CSMD3: variants seen among roughly 807,000 people sequenced by gnomAD.
The protein encoded by CSMD3 is CUB and sushi domain-containing protein 3.
A neutral mutation model predicts 435.2 loss-of-function variants in CSMD3; 177 were observed. The ratio of observed to expected loss-of-function variants is 0.41; its 90% CI spans 0.36 to 0.46. The LOEUF is 0.46. Ranked by LOEUF, CSMD3 falls within the 20% of genes least tolerant of loss-of-function variation. The probability of loss-of-function intolerance (pLI) is 0.34; values close to 1 mark genes in which losing one functional copy is unlikely to be tolerated. For synonymous variants in CSMD3, 1,656 were observed against 1,520.5 expected, an observed-to-expected ratio of 1.09 and a Z score of -2.07; for missense variants, 4,265 against 4,504.6, an observed-to-expected ratio of 0.95 and a Z score of 1.52.
At chr8:113,358,525 G>T (rs535087411) in intron 1 of CSMD3, among the ~76,000 whole-genome samples, 169 of 152,192 alleles carry the variant, frequency 1.1e-3, no homozygotes, top group Middle Eastern at 0.01. Context: ...GCTAATTTTT[G>T]TATATTTAGT....
chr8:112,311,009 A>G lies in CSMD3; in HGVS notation c.7854T>C (p.His2618=). ...AGGCAGGGACTGGCGCATCCCATGC[A>G]TGATACCCATAGGAAGACTTTCTGC... The part of the protein sequence containing the change: ...AVCRKSSYGY[H]AWDAPVPACQ... Residue 2618 remains histidine (H), a synonymous_variant, in exon 50 of 71, where the codon CAT becomes CAC. Transcript: ENST00000297405. The G allele has an allele frequency of 1.2e-6, 2 of 1,614,042 alleles. No homozygotes were observed. The highest frequency in any genetic ancestry group is 1.7e-5 in the Admixed American group (1 of 60,010).
intron 3 of CSMD3, among the ~76,000 whole-genome samples, chr8:113,233,135 A>T (rs2093107850): frequency 6.6e-6 from 1 of 151,852 alleles, no homozygotes; most frequent in African/African-American, 2.4e-5. Flanking sequence ...TCAATAATAA[A>T]GTATGTTAAT....
chr8:113,121,045 C>G (rs935169364), intron 4 of CSMD3, among the ~76,000 whole-genome samples: 1 of 152,028 alleles, frequency 6.6e-6, no homozygotes, highest in Admixed American at 6.6e-5. Context: ...CAGTGATGTC[C>G]GTGGGCTCTT....
intron 3 of CSMD3, among the ~76,000 whole-genome samples, chr8:113,245,377 CTAT>C (rs1160468555): frequency 1.3e-5 from 2 of 151,786 alleles, no homozygotes; most frequent in South Asian, 2.1e-4. Flanking sequence ...AATATATGTC[CTAT>C]TATATCATTT....
chr8:113,046,894 A>C (rs566889232), intron 5 of CSMD3, among the ~76,000 whole-genome samples: 4 of 152,308 alleles, frequency 2.6e-5, no homozygotes, highest in African/African-American at 9.6e-5. Flanking sequence ...CAAAAGAGGG[A>C]CATGATGCTA....
At chr8:112,412,879 G>C (rs1015367221) in intron 32 of CSMD3, among the ~76,000 whole-genome samples, 1 of 152,056 alleles carries the variant, frequency 6.6e-6, no homozygotes, top group Non-Finnish European at 1.5e-5. Flanking sequence ...TGATGTGGCA[G>C]CTTTTCTTTA....
chr8:112,395,401 G>C (rs931032638), intron 35 of CSMD3, among the ~76,000 whole-genome samples: 1 of 152,054 alleles, frequency 6.6e-6, no homozygotes, highest in African/African-American at 2.4e-5. Context: ...CTTTTTCATG[G>C]ATGAATGGAT....
chr8:112,605,847 TTTATA>T (rs1832751948), intron 22 of CSMD3, among the ~76,000 whole-genome samples: 1 of 152,098 alleles, frequency 6.6e-6, no homozygotes, highest in South Asian at 2.1e-4. Flanking sequence ...TCTTAATTAA[TTTATA>T]TTATGTTTAA....
At chr8:112,409,103 A>T in intron 32 of CSMD3, 71 bp from the exon 33 acceptor site, 4 of 1,607,656 alleles carry the variant, frequency 2.5e-6, no homozygotes, top group Non-Finnish European at 3.4e-6. Flanking sequence ...AAACAAAAAA[A>T]TAGAAAGAGG....
intron 19 of CSMD3, among the ~76,000 whole-genome samples, chr8:112,648,320 A>AT (rs1290117904): frequency 1.3e-5 from 2 of 152,190 alleles, no homozygotes; most frequent in African/African-American, 2.4e-5. Context: ...CAGCTTAGAC[A>AT]TTTTTTAAAT....
intron 10 of CSMD3, among the ~76,000 whole-genome samples, chr8:112,878,805 G>A (rs1254948766): frequency 6.6e-6 from 1 of 152,136 alleles, no homozygotes; most frequent in Non-Finnish European, 1.5e-5. Flanking sequence ...GGAGGGACCT[G>A]CTGAAGGCAT....
chr8:112,400,916 A>G (rs1831277374), intron 35 of CSMD3, among the ~76,000 whole-genome samples: 1 of 152,136 alleles, frequency 6.6e-6, no homozygotes, highest in Non-Finnish European at 1.5e-5. Context: ...TTTAAAATTT[A>G]TAGTCTTGGG....
At chr8:113,139,686 A>C (rs78010721) in intron 4 of CSMD3, among the ~76,000 whole-genome samples, 268 of 151,134 alleles carry the variant, frequency 1.8e-3, no homozygotes, top group East Asian at 0.011. Context: ...CAAAAAGAGA[A>C]AGCAGACTTA....
In CSMD3 at chr8:112,933,456, T is replaced by C. The variant is rs572333308; in HGVS notation, c.1509-11705A>G. On this transcript the variant is annotated intron_variant, in intron 9 of 70. Transcript: ENST00000297405. Reference sequence around the variant, plus strand: ...GATTGTTAGAAAAGACATGGTCTTATATTTGCTGTCTTTCCACCATCTCTT... The same window carrying C: ...GATTGTTAGAAAAGACATGGTCTTACATTTGCTGTCTTTCCACCATCTCTT... Among the ~76,000 whole-genome samples the C allele has an allele frequency of 1.1e-4, 16 of 152,272 alleles. No homozygotes were observed. In the South Asian group the frequency reaches 2.9e-3, roughly 28 times the overall value.
intron 23 of CSMD3, among the ~76,000 whole-genome samples, chr8:112,576,075 T>C (rs1006501375): frequency 1.3e-5 from 2 of 151,978 alleles, no homozygotes; most frequent in Non-Finnish European, 2.9e-5. Flanking sequence ...CAATTGTTTC[T>C]TGGATAAAAC....
At chr8:112,508,904 A>T (rs1822809845) in intron 28 of CSMD3, among the ~76,000 whole-genome samples, 1 of 152,208 alleles carries the variant, frequency 6.6e-6, no homozygotes, top group South Asian at 2.1e-4. Context: ...AAGATGACTA[A>T]CAAGTCCAAC....
chr8:113,304,755 G>T (rs1427214660), intron 2 of CSMD3, among the ~76,000 whole-genome samples: 2 of 117,688 alleles, frequency 1.7e-5, no homozygotes, highest in Admixed American at 9.3e-5. Context: ...CACACTCTGG[G>T]GACTGTGGTG....
intron 5 of CSMD3, among the ~76,000 whole-genome samples, chr8:113,094,175 T>A (rs2090092471): frequency 6.6e-6 from 1 of 152,128 alleles, no homozygotes; most frequent in South Asian, 2.1e-4. Context: ...GAAATTACTA[T>A]TACTCTCTTT....
intron 10 of CSMD3, among the ~76,000 whole-genome samples, chr8:112,860,113 T>C (rs888495705): frequency 9.2e-5 from 14 of 151,812 alleles, no homozygotes; most frequent in African/African-American, 3.1e-4. Context: ...TCCTAAAAGT[T>C]TGCTTGACAT....
Sources: gnomAD v4.1 joint callset for allele counts (sites outside exome capture counted in the v4.1 genomes callset) on GRCh38, gnomAD v4.1.1 for gene constraint, MANE v1.5 for transcripts, NCBI Gene and HGNC (gene_info 2026-07-23, HGNC 2026-07-21) for gene names.